The following ACOT12 variants were observed in gnomAD, a reference collection of about 807,000 sequenced individuals.
ACOT12 encodes acyl-CoA thioesterase 12.
ACOT12 carries 51 observed loss-of-function variants against 67.7 expected under a neutral mutation model. The observed-to-expected ratio is 0.75, with a 90% CI of 0.60 to 0.95. ACOT12 has a LOEUF of 0.95. Among genes scored for constraint, ACOT12 ranks in the 40% least tolerant of loss-of-function variants. The pLI is 0.00. For synonymous variants in ACOT12, 251 were observed against 244.6 expected, an observed-to-expected ratio of 1.03 and a Z score of -0.24; for missense variants, 734 against 708.1, an observed-to-expected ratio of 1.04 and a Z score of -0.41.
the ACOT12 span, among the ~76,000 whole-genome samples, chr5:81,315,247 C>T: frequency 9.9e-5 from 15 of 152,228 alleles, no homozygotes; most frequent in African/African-American, 3.6e-4. Context: ...TTTTTCACTA[C>T]AATTATGTTC....
At chr5:81,358,651 A>G (rs1472250226) in intron 5 of ACOT12, among the ~76,000 whole-genome samples, 1 of 152,148 alleles carries the variant, frequency 6.6e-6, no homozygotes, top group Non-Finnish European at 1.5e-5. Context: ...GGAGTTCGAG[A>G]CCAGCCTGGC....
the ACOT12 span, chr5:81,312,551 GGTCA>G: frequency 6.2e-7 from 1 of 1,612,776 alleles, no homozygotes; most frequent in Non-Finnish European, 8.5e-7. Flanking sequence ...CAGAGCGAAT[GGTCA>G]CAGTTGGTCG....
At chr5:81,373,241 C>T (rs535547793) in intron 2 of ACOT12, among the ~76,000 whole-genome samples, 1 of 152,166 alleles carries the variant, frequency 6.6e-6, no homozygotes, top group Non-Finnish European at 1.5e-5. Context: ...TGGGTCATCA[C>T]CCTACCAGGG....
intron 9 of ACOT12, 32 bp from the exon 10 acceptor site, chr5:81,343,913 G>A (rs1561327149): frequency 2.5e-6 from 4 of 1,583,688 alleles, no homozygotes; most frequent in Non-Finnish European, 3.5e-6. Flanking sequence ...TTAAATGACA[G>A]TTTTTTTCTC....
chr5:81,332,386 T>A (rs1167959438), intron 13 of ACOT12, 91 bp downstream of exon 13: 2 of 1,381,540 alleles, frequency 1.4e-6, no homozygotes, highest in East Asian at 4.7e-5. Context: ...AGCAGAAATA[T>A]CTACACAGAC....
chr5:81,313,716 T>C, the ACOT12 span, among the ~76,000 whole-genome samples: 2 of 152,356 alleles, frequency 1.3e-5, no homozygotes, highest in South Asian at 2.1e-4. Flanking sequence ...GATTAGTTAC[T>C]GATGCCTCAA....
At position 81,330,630 on chromosome 5, in the gene ACOT12, G is replaced by A. The variant is rs927174339; in HGVS notation, c.1519-87C>T. 1.4e-5 allele frequency: 21 copies of A among 1,520,274 alleles called. No individual in the cohort carries two copies. In the Admixed American group the frequency reaches 4.0e-4, roughly 29 times the overall value. 94.2% of individuals were successfully genotyped at this position (1,520,274 alleles called of 1,614,324 possible). The stretch of plus-strand genomic sequence containing the variant: ...GGATCTGAGTCTTGCTGGTGTAGGG[G>A]AGGCTAAGACCCTAATCTTCTGGGG... On this transcript the variant is annotated intron_variant, in intron 14 of 14. Coordinates refer to ENST00000307624, the MANE Select transcript of ACOT12 (RefSeq NM_130767.3).
chr5:81,351,850 A>G (rs1235633718), intron 5 of ACOT12, among the ~76,000 whole-genome samples: 2 of 152,230 alleles, frequency 1.3e-5, no homozygotes. Context: ...TTTGAAAGCT[A>G]TCCATCTGAT....
intron 12 of ACOT12, 29 bp downstream of exon 12, chr5:81,335,739 T>C (rs1329904351): frequency 1.2e-6 from 2 of 1,602,702 alleles, no homozygotes; most frequent in Non-Finnish European, 1.7e-6. Flanking sequence ...TCAAGGTTGA[T>C]TGAGAAAAAT....
chr5:81,390,414 G>A (rs1041908113), intron 1 of ACOT12, among the ~76,000 whole-genome samples: 2 of 151,400 alleles, frequency 1.3e-5, no homozygotes, highest in African/African-American at 4.9e-5. Flanking sequence ...GTATTTTTCA[G>A]TTCTGGAATT....
chr5:81,331,709 TAA>T (rs1408194346), intron 13 of ACOT12, among the ~76,000 whole-genome samples: 1 of 152,228 alleles, frequency 6.6e-6, no homozygotes, highest in African/African-American at 2.4e-5. Flanking sequence ...CTTTTTAAAA[TAA>T]GTGTATAAGA....
rs552828476 is a variant in ACOT12, at chr5:81,382,447, A to T, written c.197+3310T>A. Among the ~76,000 whole-genome samples the T allele has an allele frequency of 2.2e-4, 33 of 152,302 alleles. No homozygotes were observed. The East Asian group carries it at 6.2e-3, about 28-fold the overall frequency. ...GGGCTTTTGTTCAAGGGACTTAGGG[A>T]TTAAACTGAAGAAGCTCCCACTGCT... On this transcript the variant is annotated intron_variant, in intron 2 of 14. Coordinates refer to ENST00000307624, the MANE Select transcript of ACOT12 (RefSeq NM_130767.3).
intron 5 of ACOT12, among the ~76,000 whole-genome samples, chr5:81,351,588 T>A (rs1046245996): frequency 3.3e-5 from 5 of 152,182 alleles, no homozygotes; most frequent in Admixed American, 6.5e-5. Flanking sequence ...TCTCTTACCA[T>A]ACACAAAAAT....
chr5:81,366,136 T>A (rs751737588), intron 3 of ACOT12, among the ~76,000 whole-genome samples: 1 of 152,204 alleles, frequency 6.6e-6, no homozygotes, highest in South Asian at 2.1e-4. Context: ...GGGGCTAAAG[T>A]AGCCCTAAAG....
the ACOT12 span, among the ~76,000 whole-genome samples, chr5:81,309,765 C>T: frequency 2.0e-5 from 3 of 152,188 alleles, no homozygotes; most frequent in African/African-American, 7.2e-5. Flanking sequence ...TCTCCGTTTC[C>T]TCACCTATAG....
At chr5:81,375,406 A>G (rs2153856947) in intron 2 of ACOT12, among the ~76,000 whole-genome samples, 1 of 152,312 alleles carries the variant, frequency 6.6e-6, no homozygotes, top group South Asian at 2.1e-4. Context: ...TGTAAAGACC[A>G]TTGACACTAT....
chr5:81,361,327 T>A (rs1319950892), intron 4 of ACOT12, among the ~76,000 whole-genome samples: 1 of 151,558 alleles, frequency 6.6e-6, no homozygotes, highest in Admixed American at 6.6e-5. Context: ...ATCCTCTCAG[T>A]AGGATTGCAG....
chr5:81,362,962 G>C (rs1759963764), intron 4 of ACOT12, among the ~76,000 whole-genome samples: 1 of 152,160 alleles, frequency 6.6e-6, no homozygotes, highest in South Asian at 2.1e-4. Context: ...TCAGAACTTT[G>C]GGAGATCAAG....
At chr5:81,373,205 C>G (rs879715704) in intron 2 of ACOT12, among the ~76,000 whole-genome samples, 1 of 152,186 alleles carries the variant, frequency 6.6e-6, no homozygotes, top group Non-Finnish European at 1.5e-5. Flanking sequence ...GTGGGTGCAG[C>G]CCATGGAGGG....
Sources: allele counts gnomAD v4.1 joint callset (sites outside exome capture counted in the v4.1 genomes callset), GRCh38; gene constraint gnomAD v4.1.1; transcripts MANE v1.5; gene names NCBI Gene and HGNC (gene_info 2026-07-23, HGNC 2026-07-21).